Variants in MAGI3 observed in about 807,000 individuals in gnomAD.
MAGI3 encodes the protein membrane associated guanylate kinase, WW and PDZ domain containing 3.
In MAGI3, 43 loss-of-function variants were observed where a neutral mutation model predicts 121.8. The observed-to-expected ratio is 0.35, with a 90% confidence interval of 0.28 to 0.46. The LOEUF (loss-of-function observed/expected upper bound fraction) is 0.46. Among genes scored for constraint, MAGI3 ranks in the 20% least tolerant of loss-of-function variants. MAGI3 has a pLI of 1.00. For missense variants in MAGI3, 1,547 were observed against 1,797.3 expected (o/e 0.86, Z 2.52); for synonymous variants, 553 against 639.3 (o/e 0.86, Z 2.04).
intron 6 of MAGI3, among the ~76,000 whole-genome samples, chr1:113,604,442 C>G (rs1649610817): frequency 6.6e-6 from 1 of 151,684 alleles, no homozygotes. Context: ...TGGCATGCAC[C>G]TGTAATCCCA....
chr1:113,586,662 T>C (rs1648384210), intron 4 of MAGI3, among the ~76,000 whole-genome samples: 1 of 152,224 alleles, frequency 6.6e-6, no homozygotes, highest in Non-Finnish European at 1.5e-5. Context: ...TTGAGCCTTT[T>C]AATGTTGATA....
Position 113,622,995 on chromosome 1 carries a change from G to A in MAGI3, c.1360+1G>A. 6.7e-7 allele frequency: 1 copy of A among 1,499,320 alleles called. No homozygotes were observed. The highest frequency in any genetic ancestry group is 8.8e-7 in the Non-Finnish European group (1 of 1,132,144). 92.9% of individuals were successfully genotyped at this position (1,499,320 alleles called of 1,614,324 possible). ...GCTCAGGATGGGAAAATTGCACCAG[G>A]TAAGAAATTTTTCATAATTATTTGA... On this transcript the variant is annotated splice_donor_variant, in intron 9 of 20. Transcript: ENST00000307546. LOFTEE classifies it high-confidence loss of function.
At chr1:113,440,400 C>T (rs182179904) in intron 1 of MAGI3, among the ~76,000 whole-genome samples, 11 of 152,200 alleles carry the variant, frequency 7.2e-5, no homozygotes, top group Admixed American at 4.6e-4. Context: ...TTCTCATAGT[C>T]TTAGGATATC....
rs1553182646 is a variant in MAGI3, at chr1:113,416,191, A to ATGTAATTAATGACACATATTATTATG, written c.316+24864_316+24889dup. ...ATGTAATTAATGACACATATTAATTATGTAATTAATGACACATATTATTAT... is the reference window on the plus strand; with the variant it reads ...ATGTAATTAATGACACATATTAATTATGTAATTAATGACACATATTATTATGTGTAATTAATGACACATATTATTAT... On this transcript the variant is annotated intron_variant, in intron 1 of 20. Coordinates refer to ENST00000307546, the MANE Select transcript of MAGI3 (RefSeq NM_001142782.2). 1.6e-3 allele frequency among the ~76,000 whole-genome samples: 100 copies of ATGTAATTAATGACACATATTATTATG among 62,304 alleles called. 15 individuals are homozygous for ATGTAATTAATGACACATATTATTATG. The highest frequency in any genetic ancestry group is 4.6e-3 in the African/African-American group (76 of 16,622). 40.9% of individuals were successfully genotyped at this position (62,304 alleles called of 152,430 possible).
At chr1:113,413,372 G>A (rs954352795) in intron 1 of MAGI3, among the ~76,000 whole-genome samples, 44 of 152,176 alleles carry the variant, frequency 2.9e-4, no homozygotes, top group South Asian at 1.9e-3. Flanking sequence ...CTCTTTTTTG[G>A]TTCCATATAA....
intron 9 of MAGI3, among the ~76,000 whole-genome samples, chr1:113,637,674 A>G (rs1652130697): frequency 6.6e-6 from 1 of 151,518 alleles, no homozygotes; most frequent in Non-Finnish European, 1.5e-5. Context: ...TTTTTCCTTC[A>G]TTTCAACTTT....
chr1:113,458,750 C>T (rs1328000484), intron 1 of MAGI3, among the ~76,000 whole-genome samples: 1 of 151,918 alleles, frequency 6.6e-6, no homozygotes, highest in East Asian at 1.9e-4. Flanking sequence ...TGCAGTGGCA[C>T]AATTATAGCT....
intron 1 of MAGI3, among the ~76,000 whole-genome samples, chr1:113,528,318 G>T (rs1658549786): frequency 1.3e-5 from 2 of 149,012 alleles, no homozygotes. Flanking sequence ...TTTGAAAGGA[G>T]GAGACTTTTT....
chr1:113,551,707 T>C (rs1659796276), intron 2 of MAGI3, among the ~76,000 whole-genome samples: 1 of 152,206 alleles, frequency 6.6e-6, no homozygotes, highest in Non-Finnish European at 1.5e-5. Flanking sequence ...ATTGATGTGA[T>C]CAATATCTTT....
chr1:113,510,318 A>C (rs949392096), intron 1 of MAGI3, among the ~76,000 whole-genome samples: 6 of 151,920 alleles, frequency 3.9e-5, no homozygotes, highest in Middle Eastern at 3.2e-3. Flanking sequence ...ATTTAAGATA[A>C]ACAGAAGTGT....
At chr1:113,453,996 C>T (rs1036288264) in intron 1 of MAGI3, among the ~76,000 whole-genome samples, 1 of 152,112 alleles carries the variant, frequency 6.6e-6, no homozygotes, top group African/African-American at 2.4e-5. Flanking sequence ...ATTATGCTGA[C>T]CCTTTTCTAT....
At chr1:113,520,332 G>T (rs998524356) in intron 1 of MAGI3, among the ~76,000 whole-genome samples, 1 of 151,236 alleles carries the variant, frequency 6.6e-6, no homozygotes, top group Admixed American at 6.6e-5. Flanking sequence ...GCCTATTTCT[G>T]TTCTAGATAC....
intron 1 of MAGI3, among the ~76,000 whole-genome samples, chr1:113,415,852 TTTTATA>T (rs1474878584): frequency 5.9e-5 from 9 of 151,948 alleles, no homozygotes; most frequent in Non-Finnish European, 8.8e-5. Context: ...AATGAGTGCG[TTTTATA>T]TTTATAAAGT....
intron 9 of MAGI3, among the ~76,000 whole-genome samples, chr1:113,630,283 C>T (rs1231747442): frequency 6.6e-6 from 1 of 152,108 alleles, no homozygotes; most frequent in African/African-American, 2.4e-5. Flanking sequence ...CTAATGCTCA[C>T]CTAAAGCACA....
At chr1:113,581,608 G>C (rs922362960) in intron 3 of MAGI3, among the ~76,000 whole-genome samples, 5 of 152,046 alleles carry the variant, frequency 3.3e-5, no homozygotes, top group Non-Finnish European at 7.4e-5. Context: ...AGGCCCACTA[G>C]AAGAGCTCAT....
chr1:113,684,231 GC>G lies in MAGI3; in HGVS notation c.*218del. Reference sequence around the variant, plus strand: ...CCTCCCTCGCTCTCAGGAAGGAGCTGCATCCACATGCTCATCTGACCCGCCC... The same window carrying G: ...CCTCCCTCGCTCTCAGGAAGGAGCTGATCCACATGCTCATCTGACCCGCCC... On this transcript the variant is annotated 3_prime_UTR_variant, in exon 21 of 21. Coordinates refer to ENST00000307546, the MANE Select transcript of MAGI3 (RefSeq NM_001142782.2). 2 of 440,908 alleles carry G rather than the reference GC, an allele frequency of 4.5e-6. No individual in the cohort carries two copies. The highest frequency in any genetic ancestry group is 7.8e-6 in the Non-Finnish European group (2 of 256,100). 27.3% of individuals were successfully genotyped at this position (440,908 alleles called of 1,614,324 possible).
chr1:113,414,348 T>C (rs1234585727), intron 1 of MAGI3, among the ~76,000 whole-genome samples: 2 of 152,152 alleles, frequency 1.3e-5, no homozygotes, highest in African/African-American at 4.8e-5. Context: ...TCTTTTTTTG[T>C]TGTGTCTCTG....
At chr1:113,667,439 C>G (rs1647238453) in intron 16 of MAGI3, among the ~76,000 whole-genome samples, 2 of 152,234 alleles carry the variant, frequency 1.3e-5, no homozygotes, top group Admixed American at 1.3e-4. Context: ...TAGCTTCACA[C>G]TTTTCTTCTG....
At chr1:113,673,575 C>A in intron 19 of MAGI3, 110 bp downstream of exon 19, 1 of 1,208,146 alleles carries the variant, frequency 8.3e-7, no homozygotes, top group Non-Finnish European at 1.2e-6. Flanking sequence ...ATCTAAAAAG[C>A]AGGATTTGTC....
Sources: allele counts gnomAD v4.1 joint callset (sites outside exome capture counted in the v4.1 genomes callset), GRCh38; gene constraint gnomAD v4.1.1; transcripts MANE v1.5; gene names NCBI Gene and HGNC (gene_info 2026-07-23, HGNC 2026-07-21).